Variants in ESRRB observed in about 807,000 individuals in gnomAD.
The protein encoded by ESRRB is estrogen related receptor beta, also known as steroid hormone receptor ERR2.
Under a neutral mutation model 46.0 loss-of-function variants are expected in ESRRB, and 16 were observed. That is an observed-to-expected ratio of 0.35 (90% CI 0.24 to 0.53). ESRRB has a LOEUF of 0.53. Ranked by LOEUF, ESRRB falls within the 20% of genes least tolerant of loss-of-function variation. ESRRB has a pLI of 0.93. For missense variants in ESRRB, 488 were observed against 607.4 expected, an observed-to-expected ratio of 0.80 and a Z score of 2.07; for synonymous variants, 246 against 259.6, an observed-to-expected ratio of 0.95 and a Z score of 0.50.
chr14:76,355,020 C>T (rs1884362754), intron 1 of ESRRB, among the ~76,000 whole-genome samples: 1 of 152,074 alleles, frequency 6.6e-6, no homozygotes, highest in African/African-American at 2.4e-5. Flanking sequence ...CGGTCCTGGG[C>T]TTTATCTGCA....
At chr14:76,379,361 G>A (rs970603882) in intron 1 of ESRRB, among the ~76,000 whole-genome samples, 1 of 151,784 alleles carries the variant, frequency 6.6e-6, no homozygotes, top group Non-Finnish European at 1.5e-5. Context: ...CTTCCCCACC[G>A]TCCGATGACC....
At chr14:76,410,289 A>C (rs1886378988) in intron 1 of ESRRB, among the ~76,000 whole-genome samples, 2 of 152,036 alleles carry the variant, frequency 1.3e-5, no homozygotes, top group Admixed American at 1.3e-4. Flanking sequence ...TTATATATAC[A>C]TTTTGTTTCA....
At chr14:76,497,664 C>T (rs1189845989) in intron 6 of ESRRB, among the ~76,000 whole-genome samples, 2 of 152,066 alleles carry the variant, frequency 1.3e-5, no homozygotes, top group Admixed American at 6.6e-5. Flanking sequence ...GTCAGGTTAG[C>T]GATTGCACTG....
intron 3 of ESRRB, among the ~76,000 whole-genome samples, chr14:76,468,950 A>G (rs1400276033): frequency 6.6e-6 from 1 of 152,124 alleles, no homozygotes; most frequent in Non-Finnish European, 1.5e-5. Flanking sequence ...CTACCATTGA[A>G]TCCACAAACC....
chr14:76,375,162 T>C (rs1157693858), upstream of ESRRB, among the ~76,000 whole-genome samples: 1 of 150,846 alleles, frequency 6.6e-6, no homozygotes, highest in Non-Finnish European at 1.5e-5. Context: ...CCTACCCCCC[T>C]CCCCACACTC....
chr14:76,439,365 C>T lies in ESRRB; in HGVS notation c.75C>T (p.Asp25=), dbSNP rs1141580. The change falls in exon 2 of 7, where the codon GAC becomes GAT. Residue 25 remains aspartate (D), a synonymous_variant. Transcript: ENST00000644823. ...HNQLLNRMSS[D]DRHLGSSCGS... is the part of the protein sequence containing the mutation. ...GGCTGCTGAACAGGATGTCCTCGGACGACAGGCACCTGGGCTCCAGCTGCG... is the reference window on the plus strand; with the variant it reads ...GGCTGCTGAACAGGATGTCCTCGGATGACAGGCACCTGGGCTCCAGCTGCG... 1 of 1,613,684 alleles carries T rather than the reference C, an allele frequency of 6.2e-7. No homozygotes were observed. The highest frequency in any genetic ancestry group is 2.2e-5 in the East Asian group (1 of 44,866).
intron 1 of ESRRB, chr14:76,407,583 A>G: frequency 1.0e-6 from 1 of 985,902 alleles, no homozygotes; most frequent in Non-Finnish European, 1.2e-6. Context: ...CAGGTCACAC[A>G]GGCTGCTCAG....
chr14:76,356,201 T>C (rs1409355018), intron 1 of ESRRB, among the ~76,000 whole-genome samples: 1 of 152,230 alleles, frequency 6.6e-6, no homozygotes, highest in Non-Finnish European at 1.5e-5. Context: ...TCTGGGTTCA[T>C]GAGTGATGGT....
At chr14:76,441,821 C>A (rs770019418) in intron 2 of ESRRB, among the ~76,000 whole-genome samples, 8 of 152,202 alleles carry the variant, frequency 5.3e-5, no homozygotes, top group Admixed American at 2.0e-4. Context: ...CAGGAGAACA[C>A]CCAGGAACCA....
chr14:76,485,997 G>C (rs895018012), intron 5 of ESRRB, among the ~76,000 whole-genome samples: 1 of 152,174 alleles, frequency 6.6e-6, no homozygotes, highest in Non-Finnish European at 1.5e-5. Flanking sequence ...ACATCCAGGG[G>C]GAGCTTGGTT....
intron 3 of ESRRB, among the ~76,000 whole-genome samples, chr14:76,467,983 A>C (rs1220178943): frequency 6.6e-6 from 1 of 152,142 alleles, no homozygotes; most frequent in Non-Finnish European, 1.5e-5. Context: ...TTTCAGTGAA[A>C]GCTGGGCCGA....
At chr14:76,396,193 C>CA (rs1339610000) in intron 1 of ESRRB, among the ~76,000 whole-genome samples, 1 of 137,112 alleles carries the variant, frequency 7.3e-6, no homozygotes, top group Non-Finnish European at 1.7e-5. Flanking sequence ...AAAACAAAAA[C>CA]AAAAACAAAA....
chr14:76,420,550 A>G (rs963794849), intron 1 of ESRRB, among the ~76,000 whole-genome samples: 1 of 132,466 alleles, frequency 7.5e-6, no homozygotes. Context: ...CTTCTCCTAC[A>G]GGGTGTGAGT....
At chr14:76,405,694 A>C (rs2139849537) in intron 1 of ESRRB, among the ~76,000 whole-genome samples, 1 of 151,856 alleles carries the variant, frequency 6.6e-6, no homozygotes, top group South Asian at 2.1e-4. Context: ...CTCCCTGCCA[A>C]GCCTCTCTGA....
rs1884072624 is a variant in ESRRB, at chr14:76,333,157, A to ATATATT, written c.2+22241_2+22242insTATATT. On this transcript the variant is annotated intron_variant, in intron 1 of 6. Coordinates refer to the ESRRB transcript ENST00000512784. ...ATATTATATATTATATATTATATAT[A>ATATATT]ATATATATTATATATACTATATATA... Among the ~76,000 whole-genome samples the ATATATT allele has an allele frequency of 3.6e-4, 4 of 11,120 alleles. 1 individual carries two copies. The highest frequency in any genetic ancestry group is 1.3e-3 in the African/African-American group (4 of 3,152). 7.3% of individuals were successfully genotyped at this position (11,120 alleles called of 152,430 possible). A position where few individuals can be genotyped will look rare whatever the true frequency, so the allele number is the denominator to read the frequency against.
intron 1 of ESRRB, among the ~76,000 whole-genome samples, chr14:76,430,494 G>A (rs548632233): frequency 5.4e-4 from 82 of 152,264 alleles, no homozygotes; most frequent in African/African-American, 1.9e-3. Flanking sequence ...GAGGGAAGGG[G>A]TTTGCTGGGT....
At chr14:76,335,671 T>A (rs945089106) in intron 1 of ESRRB, among the ~76,000 whole-genome samples, 3 of 152,162 alleles carry the variant, frequency 2.0e-5, no homozygotes, top group African/African-American at 7.2e-5. Flanking sequence ...GTTGGTGGGT[T>A]CTAAGTTGGC....
At chr14:76,326,446 A>C (rs1883930963) in intron 1 of ESRRB, among the ~76,000 whole-genome samples, 1 of 152,150 alleles carries the variant, frequency 6.6e-6, no homozygotes, top group South Asian at 2.1e-4. Context: ...TTTGCACTTC[A>C]GTTTTCTTGT....
At position 76,381,391 on chromosome 14, in the gene ESRRB, G is replaced by A. The variant is rs530653080; in HGVS notation, c.50+4940G>A. Among the ~76,000 whole-genome samples, 18 of 152,214 alleles carry A rather than the reference G, an allele frequency of 1.2e-4. No individual in the cohort carries two copies. The South Asian group carries it at 3.5e-3, about 30-fold the overall frequency. On this transcript the variant is annotated intron_variant, in intron 1 of 6. Coordinates refer to ENST00000644823, the MANE Select transcript of ESRRB (RefSeq NM_001379180.1). ...GACCTTCTCTAATAATGGCAGGGCT[G>A]TCCTGGGACCAGACACCTTCCGTGG...
Sources: gnomAD v4.1 joint callset for allele counts (sites outside exome capture counted in the v4.1 genomes callset) on GRCh38, gnomAD v4.1.1 for gene constraint, MANE v1.5 for transcripts, NCBI Gene and HGNC (gene_info 2026-07-23, HGNC 2026-07-21) for gene names.